Variants in SLC22A23 observed in about 807,000 individuals in gnomAD.
The protein encoded by SLC22A23 is ion transporter protein.
In SLC22A23, 26 loss-of-function variants were observed where a neutral mutation model predicts 61.0. That is an observed-to-expected ratio of 0.43 (90% CI 0.31 to 0.59). The LOEUF (loss-of-function observed/expected upper bound fraction) is 0.59, where lower values mean the gene tolerates loss of function less well. Ranked by LOEUF, SLC22A23 falls within the 20% of genes least tolerant of loss-of-function variation. The probability of loss-of-function intolerance (pLI) is 0.11; values close to 1 mark genes in which losing one functional copy is unlikely to be tolerated. For missense variants in SLC22A23, 796 were observed against 934.7 expected (o/e 0.85, Z 1.94); for synonymous variants, 430 against 413.9 (o/e 1.04, Z -0.47).
chr6:3,352,830 A>C (rs969656422), intron 3 of SLC22A23, among the ~76,000 whole-genome samples: 2 of 152,190 alleles, frequency 1.3e-5, no homozygotes, highest in African/African-American at 4.8e-5. Flanking sequence ...AGCCAACAGC[A>C]GTTTAGAGAC....
intron 1 of SLC22A23, among the ~76,000 whole-genome samples, chr6:3,436,865 G>A (rs1771247457): frequency 6.6e-6 from 1 of 152,222 alleles, no homozygotes; most frequent in African/African-American, 2.4e-5. Context: ...AGACCACTGT[G>A]TTTGCTATAT....
Position 3,271,377 on chromosome 6 carries a change from T to C in SLC22A23, c.*1678A>G, listed in dbSNP as rs1758464686. ...AAGAGTCTGCTTGCCCCTTGCTGTG[T>C]CTTTACACATCTCCAGGCCCTTACT... On this transcript the variant is annotated 3_prime_UTR_variant, in exon 10 of 10. Transcript: ENST00000406686. The C allele has an allele frequency of 6.6e-6, 1 of 152,294 alleles. No individual in the cohort carries two copies. The highest frequency in any genetic ancestry group is 2.4e-5 in the African/African-American group (1 of 41,422). 9.4% of individuals were successfully genotyped at this position (152,294 alleles called of 1,614,324 possible).
intron 5 of SLC22A23, among the ~76,000 whole-genome samples, chr6:3,295,393 A>G (rs1760993276): frequency 2.7e-5 from 4 of 145,472 alleles, no homozygotes; most frequent in Admixed American, 2.7e-4. Flanking sequence ...AACGAAGGCC[A>G]GGGTGTGAGG....
chr6:3,422,766 A>T lies in SLC22A23; in HGVS notation c.655-6911T>A, dbSNP rs182260434. ...TTAATGAATATTAATTGCTGCTCAA[A>T]TTGCTCCTCATCTTTCCTTTTTTCT... On this transcript the variant is annotated intron_variant, in intron 1 of 9. Coordinates refer to ENST00000406686, the MANE Select transcript of SLC22A23 (RefSeq NM_015482.2). 1.6e-3 allele frequency among the ~76,000 whole-genome samples: 245 copies of T among 152,240 alleles called. No homozygotes were observed. The Middle Eastern group carries it at 0.027, about 17-fold the overall frequency.
intron 3 of SLC22A23, among the ~76,000 whole-genome samples, chr6:3,365,436 A>G (rs1765744468): frequency 6.6e-6 from 1 of 152,194 alleles, no homozygotes; most frequent in South Asian, 2.1e-4. Flanking sequence ...CTGCTTTGAC[A>G]CAGAACAGAA....
rs1306020708 is a variant in SLC22A23, at chr6:3,297,735, G to T, written c.1210+356C>A. ...GCTCAGGAAAGCTGAGGTCACAGGG[G>T]CCATCTACACCCTGAGCCAGCGCTC... is the stretch of plus-strand genomic sequence containing the variant. On this transcript the variant is annotated intron_variant, in intron 5 of 9. Transcript: ENST00000406686. This position sits in a 1 kb window ranked among gnomAD's most constrained non-coding sequence, Gnocchi z 4.3. 1.3e-5 allele frequency among the ~76,000 whole-genome samples: 2 copies of T among 152,136 alleles called. No individual in the cohort carries two copies. The highest frequency in any genetic ancestry group is 4.8e-5 in the African/African-American group (2 of 41,426).
rs1180458925 is a variant in SLC22A23 at position 3,289,820 on chromosome 6, C to G, written c.1257G>C (p.Val419=). Residue 419 remains valine, a synonymous_variant, in exon 6 of 10, where the codon GTG becomes GTC. Coordinates refer to ENST00000406686, the MANE Select transcript of SLC22A23 (RefSeq NM_015482.2). The part of the protein sequence containing the change: ...LSRRPKKVCI[V]KVVGTRNLWK... ...ACAGGTTCCGTGTCCCCACCACCTT[C>G]ACGATGCAGACCTTCTTGGGCCTCC... is the stretch of plus-strand genomic sequence containing the variant. The G allele has an allele frequency of 6.2e-7, 1 of 1,614,056 alleles. No individual in the cohort carries two copies. The highest frequency in any genetic ancestry group is 1.7e-5 in the Admixed American group (1 of 60,020).
In SLC22A23 at chr6:3,413,840, C is replaced by A. The variant is rs374889393; in HGVS notation, c.758+1912G>T. ...ATGGAGTTGGAAAATACCAAGCTTT[C>A]AAACTGAAAGGGAAGGCCACTCAAA... On this transcript the variant is annotated intron_variant, in intron 2 of 9. Coordinates refer to ENST00000406686, the MANE Select transcript of SLC22A23 (RefSeq NM_015482.2). 8.2e-4 allele frequency among the ~76,000 whole-genome samples: 125 copies of A among 152,190 alleles called. 1 individual carries two copies. Among genetic ancestry groups the A allele is most frequent in the African/African-American group, 2.9e-3 (120 of 41,448 alleles).
chr6:3,320,607 C>T (rs1762893890), intron 4 of SLC22A23, among the ~76,000 whole-genome samples: 1 of 152,192 alleles, frequency 6.6e-6, no homozygotes, highest in Admixed American at 6.5e-5. Flanking sequence ...CCCCTCTCCA[C>T]AGCGGGCCAC....
At chr6:3,437,348 T>G (rs1012853601) in intron 1 of SLC22A23, among the ~76,000 whole-genome samples, 2 of 152,122 alleles carry the variant, frequency 1.3e-5, no homozygotes, top group Non-Finnish European at 2.9e-5. Flanking sequence ...CTTATGGGAC[T>G]TCCCAGAAAA....
At position 3,324,062 on chromosome 6, in the gene SLC22A23, T is replaced by G. The variant is rs2127400189; in HGVS notation, c.914-60A>C. 6.3e-7 allele frequency: 1 copy of G among 1,580,478 alleles called. No homozygotes were observed. Among genetic ancestry groups the G allele is most frequent in the South Asian group, 1.2e-5 (1 of 86,726 alleles). On this transcript the variant is annotated intron_variant, in intron 3 of 9. Coordinates refer to ENST00000406686, the MANE Select transcript of SLC22A23 (RefSeq NM_015482.2). This position sits in a 1 kb window ranked among gnomAD's most constrained non-coding sequence, Gnocchi z 4.3. ...CCCTGCTCGACAGCCCGAGAAGTCC[T>G]GGGTGCACCTGGGCCAGTGCACTGC...
At position 3,357,426 on chromosome 6, in the gene SLC22A23, A is replaced by G. The variant is rs374396773; in HGVS notation, c.914-33424T>C. On this transcript the variant is annotated intron_variant, in intron 3 of 9. Transcript: ENST00000406686. ...AGCATGAGGAAAGGACTGCAAATAC[A>G]AAGTAGGTGTGTTCTTCCTGGCTTT... Among the ~76,000 whole-genome samples, 4 of 152,362 alleles carry G rather than the reference A, an allele frequency of 2.6e-5. No individual in the cohort carries two copies. In the East Asian group the frequency reaches 7.7e-4, roughly 29 times the overall value.
At chr6:3,287,877 G>T (rs1760194701) in intron 6 of SLC22A23, among the ~76,000 whole-genome samples, 1 of 152,072 alleles carries the variant, frequency 6.6e-6, no homozygotes, top group African/African-American at 2.4e-5. Flanking sequence ...TAGAGACAGG[G>T]TTTCACCATG....
intron 5 of SLC22A23, among the ~76,000 whole-genome samples, chr6:3,292,539 A>T (rs944087390): frequency 1.3e-5 from 2 of 152,206 alleles, no homozygotes; most frequent in Non-Finnish European, 2.9e-5. Flanking sequence ...ACTTAGAGCC[A>T]TCAGAAAATT....
At position 3,342,529 on chromosome 6, in the gene SLC22A23, C is replaced by A. The variant is rs184705822; in HGVS notation, c.914-18527G>T. 1.3e-3 allele frequency among the ~76,000 whole-genome samples: 192 copies of A among 152,236 alleles called. 3 individuals carry two copies. The highest frequency in any genetic ancestry group is 4.5e-3 in the African/African-American group (188 of 41,522). On this transcript the variant is annotated intron_variant, in intron 3 of 9. Transcript: ENST00000406686. The surrounding 1 kb of genome is among the most constrained non-coding windows in gnomAD (Gnocchi z 4.0). ...TTCTCAAAGGTGGGGCCTCCTTGACCCACAGCATCAGAGTCCCCCGGGGCC... is the reference window on the plus strand; with the variant it reads ...TTCTCAAAGGTGGGGCCTCCTTGACACACAGCATCAGAGTCCCCCGGGGCC...
intron 3 of SLC22A23, chr6:3,377,689 A>G (rs1299809884): frequency 1.3e-5 from 2 of 152,350 alleles, no homozygotes; most frequent in Non-Finnish European, 2.9e-5. Flanking sequence ...GCTGTACTAA[A>G]GAAAGACAAT....
intron 1 of SLC22A23, among the ~76,000 whole-genome samples, chr6:3,455,161 T>C (rs1321072376): frequency 6.6e-6 from 1 of 152,214 alleles, no homozygotes. Context: ...GCAATACCTC[T>C]GCAAGGGAGC....
intron 1 of SLC22A23, among the ~76,000 whole-genome samples, chr6:3,423,506 T>C: frequency 6.6e-6 from 1 of 152,194 alleles, no homozygotes; most frequent in East Asian, 1.9e-4. Flanking sequence ...AATTCTGCAC[T>C]GTGTATTTTA....
chr6:3,441,337 C>T (rs1771581403), intron 1 of SLC22A23, among the ~76,000 whole-genome samples: 1 of 152,144 alleles, frequency 6.6e-6, no homozygotes, highest in Admixed American at 6.5e-5. Flanking sequence ...CATTTCCTTA[C>T]TTACAAAGTT....
Sources: gnomAD v4.1 joint callset for allele counts (sites outside exome capture counted in the v4.1 genomes callset) on GRCh38, gnomAD v4.1.1 for gene constraint, Gnocchi (gnomAD v3.1) non-coding constraint, MANE v1.5 for transcripts, NCBI Gene and HGNC (gene_info 2026-07-23, HGNC 2026-07-21) for gene names.